The following BMP6 variants were observed in gnomAD, a reference collection of about 807,000 sequenced individuals.
BMP6 encodes bone morphogenetic protein 6.
In BMP6, 17 loss-of-function variants were observed where a neutral mutation model predicts 54.1. The ratio of observed to expected loss-of-function variants is 0.31; its 90% CI spans 0.22 to 0.47. The LOEUF (loss-of-function observed/expected upper bound fraction) is 0.47, where lower values mean the gene tolerates loss of function less well. Among genes scored for constraint, BMP6 ranks in the 20% least tolerant of loss-of-function variants. The pLI, the probability that BMP6 is intolerant of heterozygous loss-of-function variation, is 1.00. For missense variants in BMP6, 720 were observed against 690.4 expected, an observed-to-expected ratio of 1.04 and a Z score of -0.48; for synonymous variants, 328 against 291.2, an observed-to-expected ratio of 1.13 and a Z score of -1.28.
intron 1 of BMP6, among the ~76,000 whole-genome samples, chr6:7,830,443 TG>T (rs1234817562): frequency 2.0e-5 from 3 of 152,148 alleles, no homozygotes; most frequent in Non-Finnish European, 4.4e-5. Context: ...TACATAGCCT[TG>T]GGGTGAGGGT....
chr6:7,840,272 G>T (rs953472627), intron 1 of BMP6, among the ~76,000 whole-genome samples: 4 of 152,180 alleles, frequency 2.6e-5, no homozygotes, highest in Non-Finnish European at 4.4e-5. Context: ...GTTTTAAAGG[G>T]CAGGGGAGTG....
intron 2 of BMP6, among the ~76,000 whole-genome samples, chr6:7,851,295 GT>G (rs1308050392): frequency 1.3e-4 from 20 of 152,136 alleles, no homozygotes; most frequent in Non-Finnish European, 2.4e-4. Flanking sequence ...CAGTAATATA[GT>G]TTTTTGTATG....
In BMP6 at chr6:7,727,533, G is replaced by A; in HGVS notation, c.578G>A (p.Gly193Asp). ...AAGAGCCTTCTGGCCCCCGGATCTG[G>A]CAGCGGCGGCGCGTCCCCACTGACC... ...NRKSLLAPGSGSGGASPLTSA... is the reference protein window; with the variant it reads ...NRKSLLAPGSDSGGASPLTSA... The change falls in exon 1 of 7, where the codon GGC becomes GAC. Residue 193 changes from glycine (G) to aspartate (D), a missense_variant. Physicochemically the swap from Gly to Asp is moderately conservative, Grantham distance 94. Transcript: ENST00000283147. The A allele has an allele frequency of 6.3e-7, 1 of 1,595,134 alleles. No homozygotes were observed. Among genetic ancestry groups the A allele is most frequent in the Non-Finnish European group, 8.5e-7 (1 of 1,177,700 alleles).
chr6:7,834,800 G>A (rs1309950424), intron 1 of BMP6, among the ~76,000 whole-genome samples: 3 of 152,176 alleles, frequency 2.0e-5, no homozygotes, highest in Non-Finnish European at 4.4e-5. Context: ...CCAGAGATCG[G>A]GAGATAAATG....
intron 1 of BMP6, among the ~76,000 whole-genome samples, chr6:7,790,514 C>CAAAAAAAA (rs35572440): frequency 8.2e-5 from 6 of 73,506 alleles, no homozygotes; most frequent in Non-Finnish European, 1.4e-4. Flanking sequence ...GACCCTGTCT[C>CAAAAAAAA]AAAAAAAAAA....
At chr6:7,741,431 A>G (rs1757252924) in intron 1 of BMP6, among the ~76,000 whole-genome samples, 1 of 151,132 alleles carries the variant, frequency 6.6e-6, no homozygotes, top group African/African-American at 2.4e-5. Flanking sequence ...GAGTAGCTGG[A>G]CTACTAGGCG....
chr6:7,772,759 A>G (rs270387), intron 1 of BMP6, among the ~76,000 whole-genome samples: 105,675 of 152,056 alleles, frequency 0.69, 39,204 homozygotes, highest in Non-Finnish European at 0.84. Context: ...TGGGGAGAAC[A>G]TGTCCTGTCT....
chr6:7,810,849 A>T (rs538239295), intron 1 of BMP6, among the ~76,000 whole-genome samples: 1 of 152,260 alleles, frequency 6.6e-6, no homozygotes, highest in Admixed American at 6.5e-5. Flanking sequence ...ATTCTTGGCG[A>T]TGGGGTCTCT....
rs528838868 is a variant in BMP6, at chr6:7,769,805, A to C, written c.664+42186A>C. Reference sequence around the variant, plus strand: ...TCCTACCGCATGTCTGCAAATGCAGATAGTTTTTCTTTCCAATATTCCTAA... The same window carrying C: ...TCCTACCGCATGTCTGCAAATGCAGCTAGTTTTTCTTTCCAATATTCCTAA... On this transcript the variant is annotated intron_variant, in intron 1 of 6. Transcript: ENST00000283147. Among the ~76,000 whole-genome samples the C allele has an allele frequency of 6.6e-5, 10 of 152,352 alleles. No homozygotes were observed. In the South Asian group the frequency reaches 1.9e-3, roughly 28 times the overall value.
At chr6:7,730,399 G>C (rs1448910461) in intron 1 of BMP6, among the ~76,000 whole-genome samples, 2 of 152,216 alleles carry the variant, frequency 1.3e-5, no homozygotes, top group Non-Finnish European at 2.9e-5. Context: ...AACTGAAAGA[G>C]AATTCTAGGA....
chr6:7,783,354 C>T (rs1056170365), intron 1 of BMP6, among the ~76,000 whole-genome samples: 1 of 152,218 alleles, frequency 6.6e-6, no homozygotes, highest in Non-Finnish European at 1.5e-5. Context: ...GGAGCAGTTG[C>T]TGTTCCTGTC....
At chr6:7,821,891 T>G (rs923439199) in intron 1 of BMP6, among the ~76,000 whole-genome samples, 1 of 152,216 alleles carries the variant, frequency 6.6e-6, no homozygotes, top group African/African-American at 2.4e-5. Context: ...CTGTTCGGAA[T>G]GTGAAGGGGA....
chr6:7,755,029 C>A (rs1757492277), intron 1 of BMP6, among the ~76,000 whole-genome samples: 1 of 152,152 alleles, frequency 6.6e-6, no homozygotes, highest in African/African-American at 2.4e-5. Flanking sequence ...AATTTTCTAA[C>A]CTTTTTAACT....
At chr6:7,856,091 G>A (rs1388590993) in intron 2 of BMP6, among the ~76,000 whole-genome samples, 1 of 118,880 alleles carries the variant, frequency 8.4e-6, no homozygotes, top group Non-Finnish European at 1.7e-5. Context: ...GCTAGCCATT[G>A]GGTGAAAATT....
In BMP6 at chr6:7,742,936, T is replaced by G. The variant is rs574044050; in HGVS notation, c.664+15317T>G. Among the ~76,000 whole-genome samples the G allele has an allele frequency of 2.6e-5, 4 of 152,256 alleles. No individual in the cohort carries two copies. In the South Asian group the frequency reaches 6.2e-4, roughly 24 times the overall value. ...CCCCCCTTCTTATCCCACTTAAATT[T>G]TGCACTCCCTACCAGAGTATGTGAG... On this transcript the variant is annotated intron_variant, in intron 1 of 6. Transcript: ENST00000283147.
At chr6:7,800,077 GGGGTGT>G (rs1344396313) in intron 1 of BMP6, among the ~76,000 whole-genome samples, 4 of 125,846 alleles carry the variant, frequency 3.2e-5, no homozygotes, top group African/African-American at 1.1e-4. Flanking sequence ...GATAAAGGAA[GGGGTGT>G]GTGTGTGTGT....
intron 2 of BMP6, among the ~76,000 whole-genome samples, chr6:7,859,393 C>T (rs575321784): frequency 5.9e-5 from 9 of 152,066 alleles, no homozygotes; most frequent in South Asian, 2.1e-4. Context: ...AGAGGTAACT[C>T]GGCATGTGCT....
chr6:7,864,379 TAAATG>T (rs1206603315), intron 4 of BMP6, among the ~76,000 whole-genome samples: 6 of 152,200 alleles, frequency 3.9e-5, no homozygotes, highest in East Asian at 1.9e-4. Flanking sequence ...TTGCTGGAAT[TAAATG>T]AAAAGCATCA....
intron 1 of BMP6, among the ~76,000 whole-genome samples, chr6:7,794,441 T>C (rs910456015): frequency 6.6e-6 from 1 of 151,864 alleles, no homozygotes; most frequent in Non-Finnish European, 1.5e-5. Flanking sequence ...TACTAAAAAT[T>C]TTTTTAAAAA....
Sources: gnomAD v4.1 joint callset for allele counts (sites outside exome capture counted in the v4.1 genomes callset) on GRCh38, gnomAD v4.1.1 for gene constraint, MANE v1.5 for transcripts, NCBI Gene and HGNC (gene_info 2026-07-23, HGNC 2026-07-21) for gene names.